Variants in PDE4B observed in about 807,000 individuals in gnomAD.
The protein encoded by PDE4B is 3',5'-cyclic-AMP phosphodiesterase 4B.
Under a neutral mutation model 82.2 loss-of-function variants are expected in PDE4B, and 20 were observed. The ratio of observed to expected loss-of-function variants is 0.24; its 90% CI spans 0.17 to 0.35. The LOEUF is 0.35. PDE4B is among the 10% of genes least tolerant of loss of function. PDE4B has a pLI of 1.00. For missense variants in PDE4B, 655 were observed against 907.2 expected (o/e 0.72, Z 3.57); for synonymous variants, 320 against 318.9 (o/e 1.00, Z -0.04).
chr1:66,072,037 C>G (rs189939944), intron 3 of PDE4B, among the ~76,000 whole-genome samples: 13 of 152,168 alleles, frequency 8.5e-5, no homozygotes, highest in African/African-American at 2.2e-4. Flanking sequence ...CATGGCTTGG[C>G]TATGTTTTAG....
At chr1:66,240,520 G>T (rs1442571364) in intron 3 of PDE4B, among the ~76,000 whole-genome samples, 5 of 152,174 alleles carry the variant, frequency 3.3e-5, no homozygotes, top group Non-Finnish European at 7.3e-5. Flanking sequence ...GAGCGGACCT[G>T]CTGACTACCC....
At chr1:65,904,267 G>C (rs1647003425) in intron 1 of PDE4B, among the ~76,000 whole-genome samples, 1 of 152,108 alleles carries the variant, frequency 6.6e-6, no homozygotes, top group African/African-American at 2.4e-5. Context: ...TAGCACTTGT[G>C]AATGAATGTC....
At chr1:65,981,712 G>C (rs1182148871) in intron 3 of PDE4B, among the ~76,000 whole-genome samples, 1 of 151,784 alleles carries the variant, frequency 6.6e-6, no homozygotes, top group East Asian at 1.9e-4. Flanking sequence ...GTTCAAAGGG[G>C]GTATTATAAG....
At chr1:65,857,856 T>A (rs1203946259) in intron 1 of PDE4B, among the ~76,000 whole-genome samples, 6 of 152,248 alleles carry the variant, frequency 3.9e-5, no homozygotes, top group Non-Finnish European at 7.3e-5. Flanking sequence ...TTTGGCAATG[T>A]TGTACAAGAT....
At chr1:65,879,048 A>G (rs895179523) in intron 1 of PDE4B, among the ~76,000 whole-genome samples, 7 of 152,182 alleles carry the variant, frequency 4.6e-5, no homozygotes, top group Admixed American at 3.9e-4. Flanking sequence ...TTCCCAGTTT[A>G]GAAATGAAGA....
chr1:66,184,234 T>TA (rs1328054225), intron 3 of PDE4B, among the ~76,000 whole-genome samples: 2 of 152,094 alleles, frequency 1.3e-5, no homozygotes, highest in Non-Finnish European at 2.9e-5. Flanking sequence ...AAGTGTAAGG[T>TA]ACATGAGAGA....
At chr1:66,153,310 C>T (rs1443313906) in intron 3 of PDE4B, among the ~76,000 whole-genome samples, 1 of 152,180 alleles carries the variant, frequency 6.6e-6, no homozygotes, top group Non-Finnish European at 1.5e-5. Flanking sequence ...ATGTCATTTT[C>T]CTTCCCAAAC....
intron 1 of PDE4B, among the ~76,000 whole-genome samples, chr1:65,837,959 A>G (rs1646160922): frequency 6.6e-6 from 1 of 152,156 alleles, no homozygotes; most frequent in South Asian, 2.1e-4. Context: ...CTCATCATTT[A>G]GCTCACACAT....
At chr1:65,993,177 T>G in intron 3 of PDE4B, 1 of 1,514,692 alleles carries the variant, frequency 6.6e-7, no homozygotes, top group Non-Finnish European at 9.0e-7. Flanking sequence ...ACAGTGCTTT[T>G]CAGATTCTCG....
In PDE4B at chr1:66,330,564, C is replaced by T. The variant is rs1660032651; in HGVS notation, c.635-1944C>T. 2.0e-5 allele frequency among the ~76,000 whole-genome samples: 3 copies of T among 152,086 alleles called. No individual in the cohort carries two copies. The South Asian group carries it at 6.2e-4, about 31-fold the overall frequency. Reference sequence around the variant, plus strand: ...TCTCCCCACCGTCCTGGTGAATGTCCAATATTAGTTACAGAGAACCACAGG... The same window carrying T: ...TCTCCCCACCGTCCTGGTGAATGTCTAATATTAGTTACAGAGAACCACAGG... On this transcript the variant is annotated intron_variant, in intron 7 of 16. Coordinates refer to ENST00000341517, the MANE Select transcript of PDE4B (RefSeq NM_002600.4).
At chr1:66,006,293 G>C (rs116323073) in intron 3 of PDE4B, among the ~76,000 whole-genome samples, 1 of 152,124 alleles carries the variant, frequency 6.6e-6, no homozygotes, top group African/African-American at 2.4e-5. Flanking sequence ...TGGGTGGCTA[G>C]TATTTTCGTT....
intron 3 of PDE4B, among the ~76,000 whole-genome samples, chr1:66,043,758 A>G (rs1370653197): frequency 6.6e-6 from 1 of 151,796 alleles, no homozygotes; most frequent in Non-Finnish European, 1.5e-5. Flanking sequence ...CCTAACAGTC[A>G]GCAAAGGGTC....
intron 3 of PDE4B, among the ~76,000 whole-genome samples, chr1:65,940,255 C>T (rs1648370869): frequency 6.6e-6 from 1 of 151,626 alleles, no homozygotes; most frequent in African/African-American, 2.4e-5. Flanking sequence ...GAGAAAGAGC[C>T]TGGTATATCT....
At chr1:66,361,481 A>G in intron 9 of PDE4B, 134 bp from the exon 10 acceptor site, 2 of 627,414 alleles carry the variant, frequency 3.2e-6, no homozygotes, top group Non-Finnish European at 2.7e-6. Flanking sequence ...CCCTAGAGAT[A>G]CAGTGAAATA....
At chr1:65,810,958 T>C (rs1645812596) in intron 1 of PDE4B, among the ~76,000 whole-genome samples, 1 of 152,202 alleles carries the variant, frequency 6.6e-6, no homozygotes, top group African/African-American at 2.4e-5. Context: ...TTGGGCCAGA[T>C]GATTCCCTGT....
intron 3 of PDE4B, among the ~76,000 whole-genome samples, chr1:65,950,242 G>A (rs1648923615): frequency 6.6e-6 from 1 of 151,894 alleles, no homozygotes. Context: ...CGCAGCTATT[G>A]CACCGCTTCC....
intron 3 of PDE4B, among the ~76,000 whole-genome samples, chr1:66,015,829 G>A (rs1258562440): frequency 6.6e-6 from 1 of 152,198 alleles, no homozygotes; most frequent in Admixed American, 6.5e-5. Context: ...GACACCTGAA[G>A]TTGGCAGGTG....
intron 3 of PDE4B, among the ~76,000 whole-genome samples, chr1:66,012,554 C>A (rs1334826771): frequency 2.0e-5 from 3 of 152,120 alleles, no homozygotes; most frequent in African/African-American, 7.2e-5. Context: ...CCACTTCCTT[C>A]TGTGCCGTTT....
intron 7 of PDE4B, among the ~76,000 whole-genome samples, chr1:66,278,302 G>C (rs1160932061): frequency 6.6e-6 from 1 of 152,182 alleles, no homozygotes; most frequent in African/African-American, 2.4e-5. Flanking sequence ...CAGAGAAACT[G>C]AATGACTTTG....
Sources: allele counts gnomAD v4.1 joint callset (sites outside exome capture counted in the v4.1 genomes callset), GRCh38; gene constraint gnomAD v4.1.1; transcripts MANE v1.5; gene names NCBI Gene and HGNC (gene_info 2026-07-23, HGNC 2026-07-21).